DRC3: variants seen among roughly 807,000 people sequenced by gnomAD.
The protein encoded by DRC3 is leucine rich repeat containing 48.
In DRC3, 45 loss-of-function variants were observed where a neutral mutation model predicts 57.6. That is an observed-to-expected ratio of 0.78 (90% CI 0.62 to 1.00). The LOEUF is 1.00. DRC3 is among the 50% of genes least tolerant of loss of function. DRC3 has a pLI of 0.00. For missense variants in DRC3, 655 were observed against 675.2 expected (o/e 0.97, Z 0.33); for synonymous variants, 257 against 272.3 (o/e 0.94, Z 0.55).
At chr17:17,993,245 A>G (rs9911850) in intron 6 of DRC3, 89,713 of 198,994 alleles carry the variant, frequency 0.45, 23,260 homozygotes, top group East Asian at 0.89. Context: ...CAGCACTTTG[A>G]GAGGCTGAGG....
At chr17:18,016,296 A>AAT in intron 13 of DRC3, 101 bp downstream of exon 13, 1 of 1,269,464 alleles carries the variant, frequency 7.9e-7, no homozygotes, top group Non-Finnish European at 1.1e-6. Context: ...AAGGAATGAA[A>AAT]TGAAGGAAGA....
intron 6 of DRC3, 70 bp downstream of exon 6, chr17:17,992,981 AG>A: frequency 2.6e-6 from 4 of 1,564,202 alleles, no homozygotes; most frequent in Non-Finnish European, 3.5e-6. Flanking sequence ...TTCTTGGAAA[AG>A]GGGCATTGAA....
At chr17:18,014,082 G>A (rs2044268268) in intron 12 of DRC3, among the ~76,000 whole-genome samples, 1 of 151,964 alleles carries the variant, frequency 6.6e-6, no homozygotes. Context: ...ACAGGCACCC[G>A]CCACCATGCC....
At chr17:17,987,570 G>A (rs2043019703) in intron 4 of DRC3, among the ~76,000 whole-genome samples, 1 of 152,172 alleles carries the variant, frequency 6.6e-6, no homozygotes, top group African/African-American at 2.4e-5. Flanking sequence ...TGCCACAGGT[G>A]TGAGGAAAGG....
intron 5 of DRC3, among the ~76,000 whole-genome samples, chr17:17,990,710 G>T (rs561155440): frequency 1.3e-4 from 20 of 152,288 alleles, no homozygotes; most frequent in African/African-American, 4.8e-4. Context: ...TAAAACATTT[G>T]GCCGGGCCCG....
chr17:17,976,783 A>G (rs141550726), intron 2 of DRC3, among the ~76,000 whole-genome samples: 2 of 152,350 alleles, frequency 1.3e-5, no homozygotes, highest in South Asian at 2.1e-4. Context: ...ACCTAGGGAC[A>G]TTAGGGACTG....
intron 5 of DRC3, among the ~76,000 whole-genome samples, chr17:17,992,383 A>G (rs1031793443): frequency 6.6e-6 from 1 of 152,232 alleles, no homozygotes; most frequent in African/African-American, 2.4e-5. Flanking sequence ...GGTGTCAGGC[A>G]CTCTTCCAGT....
chr17:17,980,699 A>G (rs2042634190), intron 3 of DRC3, among the ~76,000 whole-genome samples: 1 of 148,148 alleles, frequency 6.8e-6, no homozygotes, highest in Admixed American at 6.8e-5. Context: ...GGTTCAAGTG[A>G]TTCTCTTGCC....
chr17:17,994,544 G>GGCCT (rs1345490936), intron 7 of DRC3, 126 bp downstream of exon 7: 1 of 1,311,874 alleles, frequency 7.6e-7, no homozygotes, highest in Non-Finnish European at 1.0e-6. Flanking sequence ...CCCTCCACAG[G>GGCCT]GCCTGATGCC....
intron 2 of DRC3, 39 bp from the exon 3 acceptor site, chr17:17,977,543 A>G: frequency 6.2e-7 from 1 of 1,611,976 alleles, no homozygotes. Context: ...CAAACAGAGA[A>G]AGAAGCAGGC....
chr17:18,004,372 G>A lies in DRC3; in HGVS notation c.1009G>A (p.Ala337Thr). 6.2e-7 allele frequency: 1 copy of A among 1,602,712 alleles called. No individual in the cohort carries two copies. The change falls in exon 10 of 14, where the codon GCC becomes ACC. Residue 337 changes from alanine (A) to threonine (T), a missense_variant. By Grantham distance (58) the Ala-to-Thr change is moderately conservative. Transcript: ENST00000399187. ...FEEKHLSSLS[A>T]IREELELPNI... is the part of the protein sequence containing the mutation. ...AGTCTATTGTTTCTAGAGTTTAAGT[G>A]CCATTCGAGAGGAGTTGGAACTGCC...
intron 3 of DRC3, 122 bp from the exon 4 acceptor site, chr17:17,983,706 T>G: frequency 4.6e-6 from 3 of 656,416 alleles, no homozygotes; most frequent in Non-Finnish European, 8.0e-6. Flanking sequence ...GGTGCCTGCG[T>G]ACTCCAGGGC....
chr17:17,998,121 C>G (rs1019130504), intron 9 of DRC3, among the ~76,000 whole-genome samples: 1 of 152,330 alleles, frequency 6.6e-6, no homozygotes, highest in Non-Finnish European at 1.5e-5. Context: ...GGCCCCACCC[C>G]TCACCTGAGC....
chr17:17,997,097 A>G (rs2043488048), intron 8 of DRC3, among the ~76,000 whole-genome samples: 1 of 152,070 alleles, frequency 6.6e-6, no homozygotes, highest in Admixed American at 6.5e-5. Flanking sequence ...CCCAGCTGGG[A>G]CCGGCTCGCA....
chr17:18,013,876 A>G (rs1375252141), intron 12 of DRC3, among the ~76,000 whole-genome samples: 1 of 152,180 alleles, frequency 6.6e-6, no homozygotes, highest in African/African-American at 2.4e-5. Context: ...AGGTGTTGAA[A>G]CATCACTATG....
At chr17:18,006,288 GTGC>G in intron 11 of DRC3, 35 bp downstream of exon 11, 1 of 1,490,038 alleles carries the variant, frequency 6.7e-7, no homozygotes, top group Non-Finnish European at 9.3e-7. Flanking sequence ...CCATGGGGAG[GTGC>G]TACAGAGCCC....
chr17:17,982,569 A>G (rs1164166155), intron 3 of DRC3, among the ~76,000 whole-genome samples: 1 of 146,092 alleles, frequency 6.8e-6, no homozygotes, highest in Non-Finnish European at 1.5e-5. Flanking sequence ...AGTTCTTTTA[A>G]TGAGCATATT....
intron 3 of DRC3, among the ~76,000 whole-genome samples, chr17:17,979,507 T>C (rs1328421022): frequency 6.6e-6 from 1 of 152,206 alleles, no homozygotes; most frequent in Non-Finnish European, 1.5e-5. Flanking sequence ...GCAGATTTAG[T>C]GTCTTTGTTG....
At chr17:17,988,288 A>C in intron 5 of DRC3, 190 bp downstream of exon 5, 1 of 622,228 alleles carries the variant, frequency 1.6e-6, no homozygotes, top group South Asian at 2.0e-5. Context: ...TTACCCAACA[A>C]AATTCATCGG....
Sources: gnomAD v4.1 joint callset for allele counts (sites outside exome capture counted in the v4.1 genomes callset) on GRCh38, gnomAD v4.1.1 for gene constraint, MANE v1.5 for transcripts, NCBI Gene and HGNC (gene_info 2026-07-23, HGNC 2026-07-21) for gene names.